Variants in SORCS1 observed in about 807,000 individuals in gnomAD.
The protein encoded by SORCS1 is sortilin related VPS10 domain containing receptor 1.
Under a neutral mutation model 146.1 loss-of-function variants are expected in SORCS1, and 60 were observed. That is an observed-to-expected ratio of 0.41 (90% CI 0.33 to 0.51). The LOEUF (loss-of-function observed/expected upper bound fraction) is 0.51. SORCS1 is among the 20% of genes least tolerant of loss of function. The probability of loss-of-function intolerance (pLI) is 0.21; values close to 1 mark genes in which losing one functional copy is unlikely to be tolerated. For missense variants in SORCS1, 1,352 were observed against 1,487.6 expected (o/e 0.91, Z 1.50); for synonymous variants, 637 against 584.0 (o/e 1.09, Z -1.31).
At chr10:106,578,723 C>A (rs1350743105) in intron 25 of SORCS1, 9 of 1,091,552 alleles carry the variant, frequency 8.2e-6, no homozygotes, top group Non-Finnish European at 1.0e-5. Flanking sequence ...TCCTGCAAAC[C>A]CTGCCCAGCC....
chr10:106,766,560 G>A (rs1052250396), intron 4 of SORCS1, among the ~76,000 whole-genome samples: 1 of 152,122 alleles, frequency 6.6e-6, no homozygotes, highest in Non-Finnish European at 1.5e-5. Context: ...AGGGGGCCAC[G>A]ACCCATGCAA....
rs1017747859 is a variant in SORCS1 at position 106,960,302 on chromosome 10, A to C, written c.559-3722T>G. 6.6e-6 allele frequency among the ~76,000 whole-genome samples: 1 copy of C among 152,218 alleles called. No homozygotes were observed. Among genetic ancestry groups the C allele is most frequent in the Non-Finnish European group, 1.5e-5 (1 of 68,034 alleles). On this transcript the variant is annotated intron_variant, in intron 1 of 25. Coordinates refer to ENST00000263054, the MANE Select transcript of SORCS1 (RefSeq NM_052918.5). This position sits in a 1 kb window ranked among gnomAD's most constrained non-coding sequence, Gnocchi z 4.4. ...CGCCAGTCTAGGACTTGCTGTCAGC[A>C]CATGACATTTGTACTTCTTTCACTG...
chr10:106,954,267 G>GC (rs1954832447), intron 2 of SORCS1, among the ~76,000 whole-genome samples: 2 of 152,128 alleles, frequency 1.3e-5, no homozygotes, highest in Non-Finnish European at 2.9e-5. Flanking sequence ...TATGGAAAAT[G>GC]CACTGCAGAA....
intron 5 of SORCS1, among the ~76,000 whole-genome samples, chr10:106,760,605 C>A (rs1414057061): frequency 1.3e-5 from 2 of 151,910 alleles, no homozygotes; most frequent in Non-Finnish European, 2.9e-5. Context: ...GCCTCCAGAA[C>A]AACGAAGAAT....
intron 18 of SORCS1, among the ~76,000 whole-genome samples, chr10:106,640,945 T>G (rs1589542209): frequency 6.6e-6 from 1 of 152,350 alleles, no homozygotes; most frequent in African/African-American, 2.4e-5. Context: ...TCTTTATTTT[T>G]AAGGCCATAA....
chr10:106,987,381 T>A (rs1163380812), intron 1 of SORCS1, among the ~76,000 whole-genome samples: 1 of 152,200 alleles, frequency 6.6e-6, no homozygotes, highest in Non-Finnish European at 1.5e-5. Context: ...TGACAGTAGT[T>A]TCTACCTGCT....
intron 1 of SORCS1, among the ~76,000 whole-genome samples, chr10:107,104,592 T>C (rs1250135148): frequency 6.6e-6 from 1 of 152,058 alleles, no homozygotes; most frequent in African/African-American, 2.4e-5. Flanking sequence ...AAAAAAAGCA[T>C]GTTTAACAGG....
intron 1 of SORCS1, among the ~76,000 whole-genome samples, chr10:106,993,322 G>T (rs1307770952): frequency 1.3e-5 from 2 of 152,190 alleles, no homozygotes; most frequent in Non-Finnish European, 2.9e-5. Flanking sequence ...TTTACACAAA[G>T]CTGCACTGGT....
At chr10:106,742,215 A>T (rs962127566) in intron 5 of SORCS1, among the ~76,000 whole-genome samples, 27 of 152,204 alleles carry the variant, frequency 1.8e-4, no homozygotes, top group African/African-American at 6.5e-4. Flanking sequence ...AGTATCCCTT[A>T]TCTGAAGTAC....
At chr10:106,652,655 A>G in intron 17 of SORCS1, 102 bp from the exon 18 acceptor site, 1 of 1,298,954 alleles carries the variant, frequency 7.7e-7, no homozygotes, top group Non-Finnish European at 1.1e-6. Context: ...GACCATCAGT[A>G]AGCACCTAAC....
At chr10:106,785,068 C>A (rs761588432) in intron 3 of SORCS1, among the ~76,000 whole-genome samples, 3 of 152,108 alleles carry the variant, frequency 2.0e-5, no homozygotes, top group Non-Finnish European at 4.4e-5. Flanking sequence ...GAAATGCCAC[C>A]CCAAAATACC....
At chr10:106,913,709 T>G (rs1446228355) in intron 2 of SORCS1, among the ~76,000 whole-genome samples, 1 of 152,248 alleles carries the variant, frequency 6.6e-6, no homozygotes, top group Non-Finnish European at 1.5e-5. Context: ...AGTTCTTGTC[T>G]CAGCTCATAA....
chr10:106,802,925 C>A (rs527642222), intron 3 of SORCS1, among the ~76,000 whole-genome samples: 20 of 152,298 alleles, frequency 1.3e-4, no homozygotes, highest in African/African-American at 4.8e-4. Context: ...GCCATCATGC[C>A]CGGCCTGACT....
At chr10:106,669,403 T>C (rs1564838917) in intron 16 of SORCS1, among the ~76,000 whole-genome samples, 1 of 152,100 alleles carries the variant, frequency 6.6e-6, no homozygotes, top group Non-Finnish European at 1.5e-5. Flanking sequence ...GAGAATAAAT[T>C]TGCCTCCTGC....
At chr10:107,163,507 T>A (rs1439894004) in intron 1 of SORCS1, among the ~76,000 whole-genome samples, 3 of 152,132 alleles carry the variant, frequency 2.0e-5, no homozygotes, top group African/African-American at 7.2e-5. Flanking sequence ...CCGCATGAAA[T>A]TAAAATAAAA....
intron 6 of SORCS1, among the ~76,000 whole-genome samples, chr10:106,727,239 G>C (rs1856266002): frequency 6.6e-6 from 1 of 152,214 alleles, no homozygotes; most frequent in Admixed American, 6.5e-5. Flanking sequence ...AGTGAGGTGA[G>C]ATAGCCACTG....
chr10:106,988,739 A>T (rs1166452180), intron 1 of SORCS1, among the ~76,000 whole-genome samples: 1 of 152,168 alleles, frequency 6.6e-6, no homozygotes, highest in African/African-American at 2.4e-5. Flanking sequence ...ATAAATAAAA[A>T]ATCAGGTCTC....
chr10:107,180,720 T>C, the SORCS1 span, among the ~76,000 whole-genome samples: 1 of 152,176 alleles, frequency 6.6e-6, no homozygotes, highest in East Asian at 1.9e-4. Context: ...AGAGTTTAGA[T>C]TTTTGATTTG....
At chr10:107,146,416 G>A (rs1968328823) in intron 1 of SORCS1, among the ~76,000 whole-genome samples, 1 of 152,096 alleles carries the variant, frequency 6.6e-6, no homozygotes, top group Non-Finnish European at 1.5e-5. Flanking sequence ...TTAGCTTTGG[G>A]GGTTTTGAAA....
Sources: allele counts gnomAD v4.1 joint callset (sites outside exome capture counted in the v4.1 genomes callset), GRCh38; gene constraint gnomAD v4.1.1; non-coding constraint Gnocchi (gnomAD v3.1); transcripts MANE v1.5; gene names NCBI Gene and HGNC (gene_info 2026-07-23, HGNC 2026-07-21).